MYO5C: variants seen among roughly 807,000 people sequenced by gnomAD.
MYO5C encodes the protein unconventional myosin-Vc.
In MYO5C, 194 loss-of-function variants were observed where a neutral mutation model predicts 235.7. The observed-to-expected ratio is 0.82, with a 90% CI of 0.73 to 0.93. The LOEUF is 0.93. Among genes scored for constraint, MYO5C ranks in the 40% least tolerant of loss-of-function variants. MYO5C has a pLI of 0.00. For missense variants in MYO5C, 2,038 were observed against 2,127.2 expected (o/e 0.96, Z 0.82); for synonymous variants, 707 against 754.8 (o/e 0.94, Z 1.04).
In MYO5C at chr15:52,196,608, G is replaced by T. The variant is rs543650435; in HGVS notation, c.4821-125C>A. ...ACCACAGCTCAGCAGTTACTCATCT[G>T]CAAAATGAGGGAGTTGGACTGATGA... On this transcript the variant is annotated intron_variant, in intron 38 of 40. Transcript: ENST00000261839. The T allele has an allele frequency of 1.1e-4, 88 of 819,668 alleles. 2 individuals carry two copies. In the South Asian group the frequency reaches 1.4e-3, roughly 13 times the overall value. The allele number at this position is 819,668 out of a possible 1,614,324, so 50.8% of individuals were successfully genotyped here. A position where few individuals can be genotyped will look rare whatever the true frequency, so the allele number is the denominator to read the frequency against.
chr15:52,230,244 G>C (rs1008087658), intron 24 of MYO5C, among the ~76,000 whole-genome samples: 1 of 152,128 alleles, frequency 6.6e-6, no homozygotes, highest in African/African-American at 2.4e-5. Context: ...CAGCCCACAG[G>C]GGCCCTTGAA....
intron 2 of MYO5C, 152 bp from the exon 3 acceptor site, chr15:52,279,826 G>T: frequency 1.3e-6 from 1 of 760,080 alleles, no homozygotes; most frequent in Non-Finnish European, 2.1e-6. Flanking sequence ...AATCTTCACA[G>T]CTGACTCCTG....
At chr15:52,261,271 T>C in intron 9 of MYO5C, 144 bp from the exon 10 acceptor site, 1 of 953,120 alleles carries the variant, frequency 1.0e-6, no homozygotes. Context: ...CCTCAGGAGG[T>C]GGAGATAGAC....
In MYO5C at chr15:52,256,599, G is replaced by GCGCGCGCA. The variant is rs1566982089; in HGVS notation, c.1395+39_1395+40insTGCGCGCG. Reference sequence around the variant, plus strand: ...CACACACACACACACGCGCGCGCGCGCGGCTGAGAACTAGTCAAGAAGGCA... The same window carrying GCGCGCGCA: ...CACACACACACACACGCGCGCGCGCGCGCGCGCACGGCTGAGAACTAGTCAAGAAGGCA... On this transcript the variant is annotated intron_variant, in intron 11 of 40. Coordinates refer to ENST00000261839, the MANE Select transcript of MYO5C (RefSeq NM_018728.4). 33 of 1,478,454 alleles carry GCGCGCGCA rather than the reference G, an allele frequency of 2.2e-5. 1 individual carries two copies. Among genetic ancestry groups the GCGCGCGCA allele is most frequent in the African/African-American group, 3.3e-5 (2 of 60,196 alleles). 91.6% of individuals were successfully genotyped at this position (1,478,454 alleles called of 1,614,324 possible). A position where few individuals can be genotyped will look rare whatever the true frequency, so the allele number is the denominator to read the frequency against.
At chr15:52,214,526 G>C in intron 33 of MYO5C, 77 bp downstream of exon 33, 1 of 1,072,946 alleles carries the variant, frequency 9.3e-7, no homozygotes, top group Non-Finnish European at 1.3e-6. Context: ...ATAAGCTTTG[G>C]ACCAGAAAGA....
At chr15:52,210,793 A>T (rs978203325) in intron 35 of MYO5C, among the ~76,000 whole-genome samples, 1 of 152,246 alleles carries the variant, frequency 6.6e-6, no homozygotes, top group Non-Finnish European at 1.5e-5. Context: ...AGGAAAAATA[A>T]TCAGTATGCT....
In MYO5C at chr15:52,198,116, T is replaced by G. The variant is rs140424491; in HGVS notation, c.4821-1633A>C. ...GGGAGACCGAGGCAGGCTGATCGCT[T>G]GAGGTCAGGAGTTCAAGACCAGCCT... On this transcript the variant is annotated intron_variant, in intron 38 of 40. Transcript: ENST00000261839. Among the ~76,000 whole-genome samples, 742 of 151,778 alleles carry G rather than the reference T, an allele frequency of 4.9e-3. 18 individuals are homozygous for G. Among genetic ancestry groups the G allele is most frequent in the Admixed American group, 0.026 (395 of 15,246 alleles).
At chr15:52,194,413 T>C (rs1022148210) in intron 40 of MYO5C, among the ~76,000 whole-genome samples, 1 of 152,246 alleles carries the variant, frequency 6.6e-6, no homozygotes, top group Admixed American at 6.5e-5. Flanking sequence ...TTCTTCTTCA[T>C]TCATGGGTTT....
intron 3 of MYO5C, 122 bp downstream of exon 3, chr15:52,279,387 C>A: frequency 2.0e-6 from 2 of 998,130 alleles, no homozygotes; most frequent in East Asian, 2.5e-5. Context: ...TCTCCCCACC[C>A]AGACACTTCT....
At chr15:52,240,395 C>T (rs1230472786) in intron 20 of MYO5C, among the ~76,000 whole-genome samples, 1 of 151,778 alleles carries the variant, frequency 6.6e-6, no homozygotes, top group Non-Finnish European at 1.5e-5. Context: ...ATAGCAATAC[C>T]TCATCTCTAC....
intron 10 of MYO5C, among the ~76,000 whole-genome samples, chr15:52,259,991 T>C (rs1276119067): frequency 2.0e-5 from 3 of 152,210 alleles, no homozygotes; most frequent in Non-Finnish European, 4.4e-5. Flanking sequence ...ATGCCTTTCA[T>C]GGGTCAATCT....
intron 24 of MYO5C, among the ~76,000 whole-genome samples, chr15:52,229,734 C>T (rs1788707344): frequency 6.6e-6 from 1 of 152,190 alleles, no homozygotes; most frequent in South Asian, 2.1e-4. Flanking sequence ...TAATTAGAAC[C>T]TACTGTGACA....
rs1373812142 is a variant in MYO5C at position 52,279,661 on chromosome 15, G to C, written c.152C>G (p.Ser51Cys). Residue 51 changes from serine (S) to cysteine (C), a missense_variant, in exon 3 of 41, where the codon TCT becomes TGT. Transcript: ENST00000261839. Reference protein sequence around the residue: ...LLEDGTELDYSVNPESLPPLR... With the variant: ...LLEDGTELDYCVNPESLPPLR... ...TGGAGGCAGAGATTCTGGATTGACA[G>C]AATAATCCAGCTCCTATGGACAAAG... is the stretch of plus-strand genomic sequence containing the variant. The C allele has an allele frequency of 6.2e-7, 1 of 1,612,366 alleles. No individual in the cohort carries two copies. The highest frequency in any genetic ancestry group is 8.5e-7 in the Non-Finnish European group (1 of 1,178,544).
chr15:52,229,327 G>T lies in MYO5C; in HGVS notation c.3027-14C>A. On this transcript the variant is annotated splice_polypyrimidine_tract_variant and intron_variant, in intron 24 of 40. Coordinates refer to ENST00000261839, the MANE Select transcript of MYO5C (RefSeq NM_018728.4). The stretch of plus-strand genomic sequence containing the variant: ...TTTTCAAGAAGCCTACGCAGCAAAA[G>T]AAGAAAATAATTTAGAGCTGAGCAT... 6.2e-7 allele frequency: 1 copy of T among 1,607,778 alleles called. No homozygotes were observed. Among genetic ancestry groups the T allele is most frequent in the Non-Finnish European group, 8.5e-7 (1 of 1,179,110 alleles).
At chr15:52,205,180 C>G in intron 37 of MYO5C, 33 bp from the exon 38 acceptor site, 5 of 1,605,426 alleles carry the variant, frequency 3.1e-6, no homozygotes, top group Non-Finnish European at 4.3e-6. Context: ...TGCTGACACG[C>G]CAGGAGACAC....
chr15:52,255,206 G>A (rs1357584149), intron 11 of MYO5C, among the ~76,000 whole-genome samples: 3 of 152,178 alleles, frequency 2.0e-5, no homozygotes, highest in Non-Finnish European at 4.4e-5. Flanking sequence ...GAGGCTCAGA[G>A]AACCCAAGGT....
At chr15:52,269,258 T>C (rs2036870350) in intron 8 of MYO5C, among the ~76,000 whole-genome samples, 1 of 152,254 alleles carries the variant, frequency 6.6e-6, no homozygotes, top group Admixed American at 6.5e-5. Context: ...AATTAATTTC[T>C]AGCTCTTTTA....
Position 52,261,123 on chromosome 15 carries a change from T to G in MYO5C, c.1052A>C (p.Asp351Ala). 1 of 1,613,366 alleles carries G rather than the reference T, an allele frequency of 6.2e-7. No individual in the cohort carries two copies. Among genetic ancestry groups the G allele is most frequent in the Non-Finnish European group, 8.5e-7 (1 of 1,179,552 alleles). Residue 351 changes from aspartate to alanine, a missense_variant, in exon 10 of 41, where the codon GAT becomes GCT. Asp to Ala is a moderately radical substitution (Grantham distance 126). Transcript: ENST00000261839. ...VGNERSSVSE[D>A]DSHLKVFCEL... ...ACAGAACACCTTCAGGTGACTGTCA[T>G]CCTCCTTCAAAAACAAGCACAAGCC...
At chr15:52,293,383 T>C (rs1009816494) in intron 1 of MYO5C, among the ~76,000 whole-genome samples, 5 of 152,138 alleles carry the variant, frequency 3.3e-5, no homozygotes, top group Admixed American at 3.3e-4. Flanking sequence ...CTTGTTGGCT[T>C]CAGTGACCAC....
Sources: allele counts gnomAD v4.1 joint callset (sites outside exome capture counted in the v4.1 genomes callset), GRCh38; gene constraint gnomAD v4.1.1; transcripts MANE v1.5; gene names NCBI Gene and HGNC (gene_info 2026-07-23, HGNC 2026-07-21).